SLC30A9: variants seen among roughly 807,000 people sequenced by gnomAD.
The protein encoded by SLC30A9 is solute carrier family 30 member 9.
Under a neutral mutation model 87.5 loss-of-function variants are expected in SLC30A9, and 58 were observed. The observed-to-expected ratio is 0.66, with a 90% CI of 0.54 to 0.82. The LOEUF is 0.82. SLC30A9 is among the 40% of genes least tolerant of loss of function. SLC30A9 has a pLI of 0.00. For synonymous variants in SLC30A9, 234 were observed against 233.0 expected (o/e 1.00, Z -0.04); for missense variants, 557 against 679.1 (o/e 0.82, Z 2.00).
Position 42,001,565 on chromosome 4 carries a change from A to G in SLC30A9, c.110-51A>G, listed in dbSNP as rs1046969465. ...GGAGAGGGTGGCTTGGCAATTAATT[A>G]TGCAGCTAGGACTTGGTTTGAAATT... On this transcript the variant is annotated intron_variant, in intron 1 of 17. Coordinates refer to ENST00000264451, the MANE Select transcript of SLC30A9 (RefSeq NM_006345.4). 7 of 1,197,758 alleles carry G rather than the reference A, an allele frequency of 5.8e-6. No homozygotes were observed. The African/African-American group carries it at 9.2e-5, about 16-fold the overall frequency. 74.2% of individuals were successfully genotyped at this position (1,197,758 alleles called of 1,614,324 possible). A position where few individuals can be genotyped will look rare whatever the true frequency, so the allele number is the denominator to read the frequency against.
chr4:41,995,827 A>T (rs896183730), intron 1 of SLC30A9, among the ~76,000 whole-genome samples: 11 of 152,198 alleles, frequency 7.2e-5, no homozygotes, highest in Admixed American at 6.5e-4. Context: ...CTCCCACTTC[A>T]GCCTTCTGAG....
chr4:42,021,106 T>C (rs944819101), intron 4 of SLC30A9, among the ~76,000 whole-genome samples: 3 of 152,200 alleles, frequency 2.0e-5, no homozygotes, highest in African/African-American at 7.2e-5. Context: ...GTCTTCCTCA[T>C]TGTCACAGCC....
At chr4:42,002,434 C>T (rs1247122383) in intron 2 of SLC30A9, among the ~76,000 whole-genome samples, 1 of 151,890 alleles carries the variant, frequency 6.6e-6, no homozygotes, top group African/African-American at 2.4e-5. Flanking sequence ...CTCTCTCTCC[C>T]TCATCTAGTA....
chr4:42,016,708 G>T (rs28434315), intron 2 of SLC30A9, among the ~76,000 whole-genome samples: 38,322 of 151,968 alleles, frequency 0.25, 7,067 homozygotes, highest in African/African-American at 0.53. Context: ...GTAGTACTTA[G>T]CACACAGTAA....
At chr4:42,078,734 TTTTG>T (rs1322186412) in intron 17 of SLC30A9, 1 of 152,968 alleles carries the variant, frequency 6.5e-6, no homozygotes. Context: ...TATTTTCTGT[TTTTG>T]TTTGTTTCTA....
intron 9 of SLC30A9, among the ~76,000 whole-genome samples, chr4:42,056,507 C>T (rs977932435): frequency 8.5e-5 from 13 of 152,180 alleles, no homozygotes; most frequent in South Asian, 2.1e-4. Flanking sequence ...CGAGAACAGC[C>T]GAGGAAAGAC....
chr4:42,033,879 T>A (rs1716563601), intron 6 of SLC30A9, among the ~76,000 whole-genome samples: 2 of 152,224 alleles, frequency 1.3e-5, no homozygotes, highest in Admixed American at 1.3e-4. Flanking sequence ...CCGGCTGCTC[T>A]TGCTTTTTTT....
chr4:42,022,255 TTTTGC>T (rs1715996623), intron 4 of SLC30A9, among the ~76,000 whole-genome samples: 1 of 149,750 alleles, frequency 6.7e-6, no homozygotes, highest in South Asian at 2.1e-4. Context: ...TTTTTTTTTT[TTTTGC>T]TTTATCTCCT....
At chr4:42,038,083 T>C (rs1716768481) in intron 7 of SLC30A9, among the ~76,000 whole-genome samples, 1 of 152,156 alleles carries the variant, frequency 6.6e-6, no homozygotes, top group South Asian at 2.1e-4. Flanking sequence ...GATTATGGAA[T>C]TTTTGAGTAG....
chr4:42,065,683 C>G (rs1007582952), intron 12 of SLC30A9, among the ~76,000 whole-genome samples: 2 of 152,186 alleles, frequency 1.3e-5, no homozygotes, highest in African/African-American at 4.8e-5. Flanking sequence ...CATGAAAGCG[C>G]TTAGCAAGCC....
rs1719016399 is a variant in SLC30A9, at chr4:42,088,985, T to G, written c.*2859T>G. 1 of 150,606 alleles carries G rather than the reference T, an allele frequency of 6.6e-6. No homozygotes were observed. Among genetic ancestry groups the G allele is most frequent in the Non-Finnish European group, 1.5e-5 (1 of 67,738 alleles). 9.3% of individuals were successfully genotyped at this position (150,606 alleles called of 1,614,324 possible). ...TCTCCAAAAATAAGGCTATATTTAG[T>G]TTTTCAGGTTTCTTGTTATTTTACC... On this transcript the variant is annotated 3_prime_UTR_variant, in exon 18 of 18. Transcript: ENST00000264451.
At chr4:42,042,725 C>T (rs938262474) in intron 8 of SLC30A9, among the ~76,000 whole-genome samples, 2 of 152,172 alleles carry the variant, frequency 1.3e-5, no homozygotes, top group African/African-American at 2.4e-5. Context: ...TCGAGGTCTG[C>T]TAAGGGACAG....
chr4:41,997,473 A>G (rs1480520905), intron 1 of SLC30A9, among the ~76,000 whole-genome samples: 1 of 152,012 alleles, frequency 6.6e-6, no homozygotes. Flanking sequence ...TTTTTAATAC[A>G]GGGAAAGTAT....
chr4:42,087,721 C>A lies in SLC30A9; in HGVS notation c.*1595C>A, dbSNP rs1018424848. The A allele has an allele frequency of 6.7e-6, 1 of 150,352 alleles. No individual in the cohort carries two copies. Among genetic ancestry groups the A allele is most frequent in the Non-Finnish European group, 1.5e-5 (1 of 67,722 alleles). The allele number at this position is 150,352 out of a possible 1,614,324, so 9.3% of individuals were successfully genotyped here. A position where few individuals can be genotyped will look rare whatever the true frequency, so the allele number is the denominator to read the frequency against. On this transcript the variant is annotated 3_prime_UTR_variant, in exon 18 of 18. Transcript: ENST00000264451. ...TATATAATTTGATACTCTATTCTTA[C>A]AGTTTCAAATTCCTTATCCCTTCTT...
chr4:42,007,904 G>A (rs555603795), intron 2 of SLC30A9, among the ~76,000 whole-genome samples: 1 of 152,270 alleles, frequency 6.6e-6, no homozygotes, highest in East Asian at 1.9e-4. Flanking sequence ...CACGTAACAA[G>A]TGTGGTCTTT....
chr4:42,002,411 A>G (rs2153133042), intron 2 of SLC30A9, among the ~76,000 whole-genome samples: 1 of 150,592 alleles, frequency 6.6e-6, no homozygotes, highest in Admixed American at 6.6e-5. Context: ...TTTTTCAACC[A>G]TTGCTGCCCT....
chr4:42,023,052 A>T, intron 5 of SLC30A9, 122 bp downstream of exon 5: 1 of 589,196 alleles, frequency 1.7e-6, no homozygotes, highest in East Asian at 2.8e-5. Flanking sequence ...TGTATTTGCA[A>T]ATCTGTTTAT....
At chr4:42,049,083 C>T (rs964387208) in intron 8 of SLC30A9, among the ~76,000 whole-genome samples, 4 of 152,166 alleles carry the variant, frequency 2.6e-5, no homozygotes, top group African/African-American at 7.2e-5. Flanking sequence ...CCACCTCAGC[C>T]TCTCAGTAGC....
At chr4:42,076,974 A>AAAAAG (rs200061915) in intron 16 of SLC30A9, among the ~76,000 whole-genome samples, 89,963 of 140,750 alleles carry the variant, frequency 0.64, 33,777 homozygotes, top group East Asian at 0.96. Flanking sequence ...AAAAAAAAAA[A>AAAAAG]AAAGAAAGAA....
Sources: allele counts gnomAD v4.1 joint callset (sites outside exome capture counted in the v4.1 genomes callset), GRCh38; gene constraint gnomAD v4.1.1; transcripts MANE v1.5; gene names NCBI Gene and HGNC (gene_info 2026-07-23, HGNC 2026-07-21).